ZNF680: variants seen among roughly 807,000 people sequenced by gnomAD.
ZNF680 encodes the protein hypothetical protein FLJ90430.
ZNF680 carries 6 observed loss-of-function variants against 12.1 expected under a neutral mutation model. The observed-to-expected ratio is 0.49, with a 90% confidence interval of 0.27 to 0.98. The LOEUF is 0.98. Ranked by LOEUF, ZNF680 falls within the 50% of genes least tolerant of loss-of-function variation. The pLI is 0.12. For missense variants in ZNF680, 561 were observed against 616.3 expected (o/e 0.91, Z 0.95); for synonymous variants, 170 against 199.3 (o/e 0.85, Z 1.24).
At chr7:64,562,586 G>A (rs1176978081) in intron 1 of ZNF680, among the ~76,000 whole-genome samples, 1 of 152,174 alleles carries the variant, frequency 6.6e-6, no homozygotes, top group Non-Finnish European at 1.5e-5. Context: ...GAAAAAAGGA[G>A]GGACTGGGAC....
chr7:64,521,279 C>A lies in ZNF680; in HGVS notation c.1475G>T (p.Cys492Phe), dbSNP rs765392968. Residue 492 changes from cysteine (C) to phenylalanine (F), a missense_variant, in exon 4 of 4, where the codon TGT (cysteine) becomes TTT (phenylalanine). By Grantham distance (205) the Cys-to-Phe change is radical. Transcript: ENST00000309683. ...RIHAREKPYK[C>F]EECGKAFNRS... ...GTTAAAAGCTTTGCCACATTCTTCA[C>A]ATTTGTAGGGTTTCTCTCTAGCATG... 1 of 1,613,714 alleles carries A rather than the reference C, an allele frequency of 6.2e-7. No individual in the cohort carries two copies. Among genetic ancestry groups the A allele is most frequent in the Non-Finnish European group, 8.5e-7 (1 of 1,179,696 alleles).
chr7:64,511,666 A>T, the ZNF680 span, among the ~76,000 whole-genome samples: 16 of 152,146 alleles, frequency 1.1e-4, no homozygotes, highest in Admixed American at 9.8e-4. Flanking sequence ...AAACCTAAAC[A>T]TAATTGTAAA....
At chr7:64,501,376 G>T in the ZNF680 span, 2 of 1,217,208 alleles carry the variant, frequency 1.6e-6, no homozygotes, top group African/African-American at 3.0e-5. Context: ...TTCCAAGTCT[G>T]GAAAGTTGAA....
At chr7:64,554,424 C>A (rs1787284372) in intron 1 of ZNF680, among the ~76,000 whole-genome samples, 3 of 151,912 alleles carry the variant, frequency 2.0e-5, no homozygotes, top group Admixed American at 1.3e-4. Context: ...GGGGCAGCCC[C>A]CACCCGGCCG....
chr7:64,510,023 T>TAAAAAAAAAAAAAAA, the ZNF680 span, among the ~76,000 whole-genome samples: 1 of 105,904 alleles, frequency 9.4e-6, no homozygotes, highest in Non-Finnish European at 1.9e-5. Context: ...CGTAAAACTC[T>TAAAAAAAAAAAAAAA]AAAAAAAAAA....
intron 3 of ZNF680, among the ~76,000 whole-genome samples, chr7:64,532,933 AT>A (rs1337019600): frequency 6.6e-6 from 1 of 152,234 alleles, no homozygotes; most frequent in Non-Finnish European, 1.5e-5. Flanking sequence ...GATCATCTCA[AT>A]AGATGCAGAA....
intron 1 of ZNF680, among the ~76,000 whole-genome samples, chr7:64,559,329 A>C (rs916069234): frequency 1.3e-5 from 2 of 152,166 alleles, no homozygotes; most frequent in Admixed American, 6.5e-5. Flanking sequence ...ACTTCTAGGA[A>C]AGGCTTTATT....
intron 1 of ZNF680, among the ~76,000 whole-genome samples, chr7:64,548,472 G>A (rs988624422): frequency 6.6e-6 from 1 of 152,142 alleles, no homozygotes; most frequent in African/African-American, 2.4e-5. Context: ...TAGGAACCCT[G>A]ACTGCTTCAA....
intron 3 of ZNF680, among the ~76,000 whole-genome samples, chr7:64,530,101 C>A (rs1785783073): frequency 6.6e-6 from 1 of 152,272 alleles, no homozygotes; most frequent in Non-Finnish European, 1.5e-5. Context: ...CAAACAAATT[C>A]TGTGATAATT....
At chr7:64,535,073 G>A (rs563827468) in intron 3 of ZNF680, among the ~76,000 whole-genome samples, 1 of 152,036 alleles carries the variant, frequency 6.6e-6, no homozygotes, top group Non-Finnish European at 1.5e-5. Context: ...CTGCTTACGT[G>A]ATGAGTGCAC....
chr7:64,526,230 T>C, intron 3 of ZNF680: 1 of 1,073,540 alleles, frequency 9.3e-7, no homozygotes, highest in South Asian at 4.5e-5. Context: ...TACTTGTAGA[T>C]GAAAAAGGCT....
At chr7:64,508,017 C>CTCTAA in the ZNF680 span, among the ~76,000 whole-genome samples, 4 of 150,120 alleles carry the variant, frequency 2.7e-5, no homozygotes, top group African/African-American at 4.9e-5. Context: ...CTTTAAAAGG[C>CTCTAA]TCTAAAGCTA....
intron 1 of ZNF680, among the ~76,000 whole-genome samples, chr7:64,553,847 G>A (rs909376258): frequency 6.6e-6 from 1 of 152,096 alleles, no homozygotes; most frequent in African/African-American, 2.4e-5. Flanking sequence ...ACGGCCTCCC[G>A]AGGTGCCGGG....
chr7:64,537,112 CTG>C (rs1786208634), intron 3 of ZNF680, among the ~76,000 whole-genome samples: 1 of 152,150 alleles, frequency 6.6e-6, no homozygotes, highest in Non-Finnish European at 1.5e-5. Flanking sequence ...AAATCATACA[CTG>C]TGTGTTTTCT....
chr7:64,562,843 G>T, intron 1 of ZNF680, 82 bp downstream of exon 1: 1 of 1,536,276 alleles, frequency 6.5e-7, no homozygotes, highest in Non-Finnish European at 9.0e-7. Flanking sequence ...AGTGCTTGGA[G>T]CCTGGAGTCC....
rs781068471 is a variant in ZNF680 at position 64,521,926 on chromosome 7, A to T, written c.828T>A (p.Ser276Arg). The T allele has an allele frequency of 5.6e-6, 9 of 1,611,972 alleles. No individual in the cohort carries two copies. In the East Asian group the frequency reaches 2.0e-4, roughly 36 times the overall value. Residue 276 changes from serine to arginine, a missense_variant, in exon 4 of 4, where the codon AGT becomes AGA. Transcript: ENST00000309683. ...TATGTTTACTAAGGATTGAGAATAA[A>T]CTAAAGGCTTTGCCACATTCTTCAC... ...FKCEECGKAF[S>R]LFSILSKHKI...
At chr7:64,527,991 C>A (rs1026773690) in intron 3 of ZNF680, among the ~76,000 whole-genome samples, 1 of 152,184 alleles carries the variant, frequency 6.6e-6, no homozygotes, top group Admixed American at 6.5e-5. Context: ...ATACAAACTG[C>A]AGAAGTGGAA....
chr7:64,517,394 C>T (rs1373111701), downstream of ZNF680, among the ~76,000 whole-genome samples: 3 of 151,872 alleles, frequency 2.0e-5, no homozygotes, highest in African/African-American at 7.3e-5. Flanking sequence ...TAGCTTAAAT[C>T]GGGAAAAATC....
the ZNF680 span, among the ~76,000 whole-genome samples, chr7:64,511,570 AT>A: frequency 2.6e-5 from 4 of 151,954 alleles, no homozygotes; most frequent in African/African-American, 9.7e-5. Context: ...GCTAAAAAAA[AT>A]CTTCAGTAAA....
Sources: allele counts gnomAD v4.1 joint callset (sites outside exome capture counted in the v4.1 genomes callset), GRCh38; gene constraint gnomAD v4.1.1; transcripts MANE v1.5; gene names NCBI Gene and HGNC (gene_info 2026-07-23, HGNC 2026-07-21).